PIK3R1: variants seen among roughly 807,000 people sequenced by gnomAD.
PIK3R1 encodes phosphatidylinositol 3-kinase regulatory subunit alpha.
A neutral mutation model predicts 98.0 loss-of-function variants in PIK3R1; 29 were observed. The ratio of observed to expected loss-of-function variants is 0.30; its 90% CI spans 0.22 to 0.40. The LOEUF is 0.40. Among genes scored for constraint, PIK3R1 ranks in the 10% least tolerant of loss-of-function variants. The probability of loss-of-function intolerance (pLI) is 1.00; values close to 1 mark genes in which losing one functional copy is unlikely to be tolerated. For missense variants in PIK3R1, 596 were observed against 872.7 expected, an observed-to-expected ratio of 0.68 and a Z score of 3.99; for synonymous variants, 282 against 311.8, an observed-to-expected ratio of 0.90 and a Z score of 1.01.
chr5:68,260,725 CCTCT>C (rs1745704618), intron 2 of PIK3R1, among the ~76,000 whole-genome samples: 1 of 152,110 alleles, frequency 6.6e-6, no homozygotes, highest in Non-Finnish European at 1.5e-5. Flanking sequence ...TGACAGTTCA[CCTCT>C]CTCTCTTCAT....
At chr5:68,279,472 A>T in intron 4 of PIK3R1, 130 bp from the exon 5 acceptor site, 1 of 713,568 alleles carries the variant, frequency 1.4e-6, no homozygotes, top group South Asian at 1.9e-5. Context: ...TGTGTCTTGT[A>T]TTTATCCTCA....
intron 4 of PIK3R1, among the ~76,000 whole-genome samples, chr5:68,275,443 G>T (rs990485124): frequency 6.6e-6 from 1 of 151,856 alleles, no homozygotes; most frequent in Non-Finnish European, 1.5e-5. Flanking sequence ...ATCAGAGCCC[G>T]ATGAAGTGGA....
chr5:68,297,745 C>CA lies in PIK3R1; in HGVS notation c.*150dup, dbSNP rs1295987410. ...TGGATGGGACTAGAGCTTTCTTTCA[C>CA]AAAAAAGAAGTAGGGGAAGACATGC... On this transcript the variant is annotated 3_prime_UTR_variant, in exon 16 of 16. Coordinates refer to ENST00000521381, the MANE Select transcript of PIK3R1 (RefSeq NM_181523.3). 7.5e-6 allele frequency: 5 copies of CA among 669,354 alleles called. No individual in the cohort carries two copies. The highest frequency in any genetic ancestry group is 2.0e-5 in the South Asian group (1 of 49,976). The allele number at this position is 669,354 out of a possible 1,614,324, so 41.5% of individuals were successfully genotyped here.
At chr5:68,263,097 G>A (rs1479852669) in intron 2 of PIK3R1, among the ~76,000 whole-genome samples, 1 of 130,042 alleles carries the variant, frequency 7.7e-6, no homozygotes, top group Non-Finnish European at 1.7e-5. Context: ...GTAGATACAT[G>A]TATATAGATA....
chr5:68,220,057 A>G (rs890034705), intron 1 of PIK3R1, among the ~76,000 whole-genome samples: 1 of 152,160 alleles, frequency 6.6e-6, no homozygotes, highest in African/African-American at 2.4e-5. Context: ...CTAAGCTCCT[A>G]TTATCAAGTA....
chr5:68,266,159 C>G (rs1427174955), intron 2 of PIK3R1, among the ~76,000 whole-genome samples: 2 of 152,224 alleles, frequency 1.3e-5, no homozygotes, highest in African/African-American at 2.4e-5. Context: ...CTCTCCATCC[C>G]CCTGCCCTCT....
At chr5:68,295,369 G>A (rs747280655) in intron 13 of PIK3R1, 45 bp downstream of exon 13, 2 of 1,611,214 alleles carry the variant, frequency 1.2e-6, no homozygotes, top group Admixed American at 1.7e-5. Flanking sequence ...ATTGGTGATT[G>A]CTACAATTCA....
In PIK3R1 at chr5:68,301,548, CTG is replaced by C. The variant is rs1339008396; in HGVS notation, c.*3951_*3952del. 1 of 152,374 alleles carries C rather than the reference CTG, an allele frequency of 6.6e-6. No individual in the cohort carries two copies. Among genetic ancestry groups the C allele is most frequent in the African/African-American group, 2.5e-5 (1 of 39,228 alleles). 9.4% of individuals were successfully genotyped at this position (152,374 alleles called of 1,614,324 possible). A position where few individuals can be genotyped will look rare whatever the true frequency, so the allele number is the denominator to read the frequency against. ...AAAACAAAAAAAAACTCATTTATAC[CTG>C]TGTATTTTTTAAAGCTACAATCTGT... On this transcript the variant is annotated 3_prime_UTR_variant, in exon 16 of 16. Transcript: ENST00000521381.
chr5:68,260,286 TGTAA>T (rs1348546566), intron 2 of PIK3R1, among the ~76,000 whole-genome samples: 1 of 152,184 alleles, frequency 6.6e-6, no homozygotes, highest in Non-Finnish European at 1.5e-5. Flanking sequence ...AGCAGTTTCC[TGTAA>T]GTATCATGAC....
rs1048753719 is a variant in PIK3R1, at chr5:68,300,737, A to G, written c.*3136A>G. 4.3e-6 allele frequency: 1 copy of G among 233,198 alleles called. No homozygotes were observed. The highest frequency in any genetic ancestry group is 2.2e-5 in the African/African-American group (1 of 45,360). 14.4% of individuals were successfully genotyped at this position (233,198 alleles called of 1,614,324 possible). A position where few individuals can be genotyped will look rare whatever the true frequency, so the allele number is the denominator to read the frequency against. On this transcript the variant is annotated 3_prime_UTR_variant, in exon 16 of 16. Transcript: ENST00000521381. ...AGTACATAACAAGCGAACGTCTAGT[A>G]CAATTCTTACTTATGTGTATGGGAT...
chr5:68,277,259 C>A (rs1746615302), intron 4 of PIK3R1, among the ~76,000 whole-genome samples: 1 of 152,172 alleles, frequency 6.6e-6, no homozygotes, highest in Non-Finnish European at 1.5e-5. Context: ...AGCACACACA[C>A]AATTTTATTT....
chr5:68,288,729 C>T (rs928192668), intron 7 of PIK3R1: 3 of 1,613,710 alleles, frequency 1.9e-6, no homozygotes, highest in South Asian at 1.1e-5. Context: ...AAAGGGAAAC[C>T]GTTGAAATGC....
chr5:68,293,017 C>T, intron 8 of PIK3R1, 84 bp from the exon 9 acceptor site: 1 of 1,127,642 alleles, frequency 8.9e-7, no homozygotes, highest in Non-Finnish European at 1.3e-6. Context: ...CCTAAAACTG[C>T]TCTAAAAAAT....
intron 2 of PIK3R1, among the ~76,000 whole-genome samples, chr5:68,246,663 G>A (rs572806697): frequency 2.0e-5 from 3 of 152,126 alleles, no homozygotes; most frequent in African/African-American, 7.2e-5. Context: ...TCGCTCTGTC[G>A]CCCAGGCTGG....
intron 7 of PIK3R1, chr5:68,290,604 G>A (rs1747331871): frequency 2.2e-6 from 3 of 1,348,772 alleles, no homozygotes; most frequent in Non-Finnish European, 1.9e-6. Context: ...ATTGGCTGGG[G>A]CGTGTGATGT....
chr5:68,258,202 G>C (rs553981276), intron 2 of PIK3R1, among the ~76,000 whole-genome samples: 72 of 152,326 alleles, frequency 4.7e-4, no homozygotes, highest in African/African-American at 1.6e-3. Context: ...TCCATAGCTC[G>C]TGGGGATGCT....
At chr5:68,228,636 C>T (rs1034294442) in intron 2 of PIK3R1, among the ~76,000 whole-genome samples, 64 of 151,980 alleles carry the variant, frequency 4.2e-4, no homozygotes, top group African/African-American at 1.1e-3. Flanking sequence ...AAGTTAAAAA[C>T]GCTTTCTTCA....
At position 68,270,934 on chromosome 5, in the gene PIK3R1, CT is replaced by C. The variant is rs760803781; in HGVS notation, c.335-2452del. Among the ~76,000 whole-genome samples, 26 of 152,110 alleles carry C rather than the reference CT, an allele frequency of 1.7e-4. 1 individual carries two copies. Among genetic ancestry groups the C allele is most frequent in the Non-Finnish European group, 2.6e-4 (18 of 68,034 alleles). ...ATATTTCTTTTAAAATTTTATAATG[CT>C]TTTAATTGGACTGTGAAACCTTTAA... is the stretch of plus-strand genomic sequence containing the variant. On this transcript the variant is annotated intron_variant, in intron 2 of 15. Transcript: ENST00000521381.
At chr5:68,290,040 A>G (rs575628808) in intron 7 of PIK3R1, among the ~76,000 whole-genome samples, 8 of 152,280 alleles carry the variant, frequency 5.3e-5, no homozygotes, top group African/African-American at 1.7e-4. Context: ...TTTCATTGTT[A>G]GTCTATAAAG....
Sources: gnomAD v4.1 joint callset for allele counts (sites outside exome capture counted in the v4.1 genomes callset) on GRCh38, gnomAD v4.1.1 for gene constraint, MANE v1.5 for transcripts, NCBI Gene and HGNC (gene_info 2026-07-23, HGNC 2026-07-21) for gene names.